The following FNDC3B variants were observed in gnomAD, a reference collection of about 807,000 sequenced individuals.
The protein encoded by FNDC3B is fibronectin type III domain-containing protein 3B.
In FNDC3B, 12 loss-of-function variants were observed where a neutral mutation model predicts 151.5. The ratio of observed to expected loss-of-function variants is 0.08; its 90% CI spans 0.05 to 0.13. FNDC3B has a LOEUF of 0.13. Ranked by LOEUF, FNDC3B falls within the 10% of genes least tolerant of loss-of-function variation. The pLI is 1.00. For missense variants in FNDC3B, 1,214 were observed against 1,505.3 expected (o/e 0.81, Z 3.20); for synonymous variants, 528 against 549.0 (o/e 0.96, Z 0.54).
chr3:172,331,328 G>A (rs985120743), intron 13 of FNDC3B, among the ~76,000 whole-genome samples: 2 of 152,170 alleles, frequency 1.3e-5, no homozygotes, highest in South Asian at 4.1e-4. Flanking sequence ...TCCACTCACT[G>A]TAGTCTTATT....
chr3:172,384,817 G>A (rs1735624615), intron 25 of FNDC3B, among the ~76,000 whole-genome samples: 1 of 152,154 alleles, frequency 6.6e-6, no homozygotes, highest in Non-Finnish European at 1.5e-5. Flanking sequence ...TAGACCCATG[G>A]CCATATAAAT....
chr3:172,310,692 C>T lies in FNDC3B; in HGVS notation c.1201-136C>T, dbSNP rs191310030. The T allele has an allele frequency of 4.4e-4, 321 of 722,024 alleles. No homozygotes were observed. The African/African-American group carries it at 5.0e-3, about 11-fold the overall frequency. 44.7% of individuals were successfully genotyped at this position (722,024 alleles called of 1,614,324 possible). ...TGTATGATGATGATTGACCAAGGAA[C>T]GCAGGAACCATCAGCTTTATCCCCC... On this transcript the variant is annotated intron_variant, in intron 10 of 25. Transcript: ENST00000415807.
intron 24 of FNDC3B, among the ~76,000 whole-genome samples, chr3:172,379,552 T>C (rs1016455059): frequency 3.9e-5 from 6 of 152,252 alleles, no homozygotes; most frequent in African/African-American, 1.4e-4. Context: ...CCCTGCAGAC[T>C]CTTTGGCAGA....
intron 23 of FNDC3B, among the ~76,000 whole-genome samples, chr3:172,376,471 A>G (rs1271723188): frequency 6.6e-6 from 1 of 152,232 alleles, no homozygotes; most frequent in Non-Finnish European, 1.5e-5. Flanking sequence ...TGAAGATGTA[A>G]CACTTTCACT....
At chr3:172,108,277 T>C (rs1359319033) in intron 1 of FNDC3B, among the ~76,000 whole-genome samples, 1 of 152,204 alleles carries the variant, frequency 6.6e-6, no homozygotes, top group African/African-American at 2.4e-5. Context: ...GAATACAGTA[T>C]TCTTATAAAC....
intron 3 of FNDC3B, among the ~76,000 whole-genome samples, chr3:172,169,695 A>G (rs1255258628): frequency 2.6e-5 from 4 of 152,222 alleles, no homozygotes; most frequent in Non-Finnish European, 5.9e-5. Flanking sequence ...ATTGGGAAGC[A>G]TGTTACCTAC....
intron 23 of FNDC3B, among the ~76,000 whole-genome samples, chr3:172,367,495 T>C (rs897199741): frequency 1.3e-5 from 2 of 152,358 alleles, no homozygotes; most frequent in East Asian, 1.9e-4. Flanking sequence ...TGAATGTCTT[T>C]GGTTCCCGTG....
intron 23 of FNDC3B, among the ~76,000 whole-genome samples, chr3:172,369,675 G>T (rs1734789591): frequency 6.6e-6 from 1 of 152,120 alleles, no homozygotes; most frequent in Non-Finnish European, 1.5e-5. Flanking sequence ...CTCAATAGCT[G>T]TTGGCACGTT....
At chr3:172,078,812 T>C (rs1221143128) in intron 1 of FNDC3B, among the ~76,000 whole-genome samples, 1 of 152,168 alleles carries the variant, frequency 6.6e-6, no homozygotes, top group Non-Finnish European at 1.5e-5. Context: ...ATTCCTCAAA[T>C]GAGAGGGGCA....
chr3:172,051,869 G>A (rs1684149897), intron 1 of FNDC3B, among the ~76,000 whole-genome samples: 1 of 152,018 alleles, frequency 6.6e-6, no homozygotes, highest in South Asian at 2.1e-4. Context: ...CTTTTTTCAT[G>A]TTTCTATTAG....
At chr3:172,162,046 G>A (rs1445005800) in intron 3 of FNDC3B, among the ~76,000 whole-genome samples, 1 of 150,204 alleles carries the variant, frequency 6.7e-6, no homozygotes, top group African/African-American at 2.5e-5. Context: ...GTGTGATCTC[G>A]GCTCACTGCA....
At chr3:172,327,684 G>A (rs1732428472) in intron 11 of FNDC3B, among the ~76,000 whole-genome samples, 1 of 152,262 alleles carries the variant, frequency 6.6e-6, no homozygotes, top group Non-Finnish European at 1.5e-5. Context: ...GATTACAGGC[G>A]TGAGCCACCG....
intron 23 of FNDC3B, among the ~76,000 whole-genome samples, chr3:172,377,716 A>G (rs984907909): frequency 4.6e-5 from 7 of 152,172 alleles, no homozygotes; most frequent in African/African-American, 1.4e-4. Context: ...TTCTTTTTAC[A>G]TGTGTTCTCA....
intron 3 of FNDC3B, among the ~76,000 whole-genome samples, chr3:172,161,655 T>C (rs1722777905): frequency 1.3e-5 from 2 of 152,266 alleles, no homozygotes; most frequent in Non-Finnish European, 2.9e-5. Context: ...TGTTGTGCCT[T>C]GACTGTGGTA....
chr3:172,324,686 G>T (rs958884748), intron 11 of FNDC3B, among the ~76,000 whole-genome samples: 1 of 152,002 alleles, frequency 6.6e-6, no homozygotes, highest in African/African-American at 2.4e-5. Context: ...CCCTTTTTTT[G>T]GCTCACAGAC....
chr3:172,325,404 T>C (rs1732293197), intron 11 of FNDC3B, among the ~76,000 whole-genome samples: 1 of 152,218 alleles, frequency 6.6e-6, no homozygotes, highest in South Asian at 2.1e-4. Flanking sequence ...ACAGGAATGA[T>C]TTGGATATAT....
intron 3 of FNDC3B, among the ~76,000 whole-genome samples, chr3:172,182,182 G>A (rs907758080): frequency 2.0e-5 from 3 of 152,170 alleles, no homozygotes; most frequent in African/African-American, 7.2e-5. Flanking sequence ...TCCTTTGTCA[G>A]CAGGATGAGA....
intron 3 of FNDC3B, among the ~76,000 whole-genome samples, chr3:172,178,305 G>A (rs1415926067): frequency 1.3e-5 from 2 of 151,974 alleles, no homozygotes; most frequent in African/African-American, 4.8e-5. Context: ...GTGGACATTA[G>A]CCCAAACCCC....
intron 19 of FNDC3B, 23 bp from the exon 20 acceptor site, chr3:172,346,304 T>C (rs375884813): frequency 1.3e-5 from 17 of 1,359,872 alleles, no homozygotes; most frequent in African/African-American, 7.2e-5. Flanking sequence ...TACATACGTG[T>C]GTGTGCGTGT....
Sources: allele counts gnomAD v4.1 joint callset (sites outside exome capture counted in the v4.1 genomes callset), GRCh38; gene constraint gnomAD v4.1.1; transcripts MANE v1.5; gene names NCBI Gene and HGNC (gene_info 2026-07-23, HGNC 2026-07-21).